LIMD1: variants seen among roughly 807,000 people sequenced by gnomAD.
LIMD1 encodes the protein LIM domain-containing protein 1.
In LIMD1, 23 loss-of-function variants were observed where a neutral mutation model predicts 58.4. The observed-to-expected ratio is 0.39, with a 90% CI of 0.28 to 0.56. The LOEUF (loss-of-function observed/expected upper bound fraction) is 0.56. LIMD1 is among the 20% of genes least tolerant of loss of function. The pLI is 0.57. For synonymous variants in LIMD1, 334 were observed against 345.5 expected (o/e 0.97, Z 0.37); for missense variants, 838 against 855.5 (o/e 0.98, Z 0.25).
intron 4 of LIMD1, among the ~76,000 whole-genome samples, chr3:45,670,205 C>T (rs1697571995): frequency 6.6e-6 from 1 of 152,092 alleles, no homozygotes; most frequent in South Asian, 2.1e-4. Context: ...TTTTAGTGTC[C>T]TTCTGACAAA....
intron 2 of LIMD1, among the ~76,000 whole-genome samples, chr3:45,644,821 G>A (rs1353415401): frequency 1.3e-5 from 2 of 152,230 alleles, no homozygotes; most frequent in African/African-American, 2.4e-5. Context: ...GGGGTTGTGT[G>A]ACAACAGAGA....
chr3:45,633,442 C>CTCTA (rs1701756411), intron 1 of LIMD1, among the ~76,000 whole-genome samples: 1 of 152,240 alleles, frequency 6.6e-6, no homozygotes, highest in East Asian at 1.9e-4. Flanking sequence ...AAATGATGAA[C>CTCTA]TCTAGTTAAT....
chr3:45,634,719 A>T (rs1407211421), intron 1 of LIMD1, among the ~76,000 whole-genome samples: 1 of 152,188 alleles, frequency 6.6e-6, no homozygotes, highest in Non-Finnish European at 1.5e-5. Context: ...GTTTTAGACC[A>T]GGTGTCCCAA....
At chr3:45,644,516 C>T (rs546619110) in intron 2 of LIMD1, among the ~76,000 whole-genome samples, 18 of 152,304 alleles carry the variant, frequency 1.2e-4, no homozygotes, top group Non-Finnish European at 2.4e-4. Context: ...TAACCCTCCT[C>T]CACCCATGGC....
At chr3:45,653,371 T>C (rs77312611) in intron 2 of LIMD1, among the ~76,000 whole-genome samples, 15,457 of 152,178 alleles carry the variant, frequency 0.1, 1,639 homozygotes, top group African/African-American at 0.27. Context: ...CTGCGTTCCC[T>C]ACTGTGATCC....
At chr3:45,628,447 A>G (rs1248109080) in intron 1 of LIMD1, among the ~76,000 whole-genome samples, 1 of 152,256 alleles carries the variant, frequency 6.6e-6, no homozygotes, top group African/African-American at 2.4e-5. Context: ...TAAAACTACA[A>G]TGAGATGCTA....
intron 2 of LIMD1, among the ~76,000 whole-genome samples, chr3:45,649,862 T>TTA (rs1701949486): frequency 6.9e-6 from 1 of 144,008 alleles, no homozygotes; most frequent in Non-Finnish European, 1.5e-5. Flanking sequence ...TTTTTTTTTT[T>TTA]ACTATTTTCT....
intron 1 of LIMD1, among the ~76,000 whole-genome samples, chr3:45,626,157 A>G (rs562865577): frequency 6.6e-6 from 1 of 152,348 alleles, no homozygotes; most frequent in Non-Finnish European, 1.5e-5. Context: ...AGAATCTTGT[A>G]TAGCCATTTT....
intron 1 of LIMD1, among the ~76,000 whole-genome samples, chr3:45,616,266 C>G (rs1701575507): frequency 6.6e-6 from 1 of 152,208 alleles, no homozygotes; most frequent in Non-Finnish European, 1.5e-5. Context: ...ACAGGGATCT[C>G]TTGCCAGCAT....
At chr3:45,659,197 G>C (rs941727575) in intron 2 of LIMD1, among the ~76,000 whole-genome samples, 4 of 152,148 alleles carry the variant, frequency 2.6e-5, no homozygotes, top group African/African-American at 4.8e-5. Flanking sequence ...ACTTCTACCA[G>C]TGTTACCCAC....
intron 1 of LIMD1, among the ~76,000 whole-genome samples, chr3:45,634,600 T>G (rs187479261): frequency 6.6e-6 from 1 of 152,360 alleles, no homozygotes; most frequent in African/African-American, 2.4e-5. Flanking sequence ...TTTGCACATA[T>G]TCTCTTAACA....
chr3:45,660,681 G>T (rs1430899716), intron 2 of LIMD1, among the ~76,000 whole-genome samples: 1 of 152,160 alleles, frequency 6.6e-6, no homozygotes, highest in Non-Finnish European at 1.5e-5. Flanking sequence ...CTCCCAGAGT[G>T]CTGGGATCAC....
At position 45,594,802 on chromosome 3, in the gene LIMD1, C is replaced by CACACACACACACACGGCACCTGG. The variant is rs1553642012; in HGVS notation, c.-64_-63insGGCACCTGGACACACACACACAC. 1.9e-4 allele frequency: 36 copies of CACACACACACACACGGCACCTGG among 193,272 alleles called. No individual in the cohort carries two copies. The highest frequency in any genetic ancestry group is 1.1e-3 in the African/African-American group (34 of 30,194). 12.0% of individuals were successfully genotyped at this position (193,272 alleles called of 1,614,324 possible). A position where few individuals can be genotyped will look rare whatever the true frequency, so the allele number is the denominator to read the frequency against. Reference sequence around the variant, plus strand: ...CAACACACACACACACACACACACACACACACACACACACACACACACACA... The same window carrying CACACACACACACACGGCACCTGG: ...CAACACACACACACACACACACACACACACACACACACACGGCACCTGGACACACACACACACACACACACACA... On this transcript the variant is annotated 5_prime_UTR_variant, in exon 1 of 8. Transcript: ENST00000273317.
intron 2 of LIMD1, among the ~76,000 whole-genome samples, chr3:45,659,359 G>T (rs1452704790): frequency 2.0e-5 from 3 of 152,116 alleles, no homozygotes; most frequent in African/African-American, 7.2e-5. Flanking sequence ...CCTGAGATGG[G>T]CTGATCACTT....
At chr3:45,625,963 T>C (rs1701665552) in intron 1 of LIMD1, among the ~76,000 whole-genome samples, 1 of 152,208 alleles carries the variant, frequency 6.6e-6, no homozygotes, top group Non-Finnish European at 1.5e-5. Flanking sequence ...CTTATTTGTT[T>C]GACTAATATG....
intron 1 of LIMD1, among the ~76,000 whole-genome samples, chr3:45,601,780 T>A (rs1414762919): frequency 6.6e-6 from 1 of 152,162 alleles, no homozygotes; most frequent in African/African-American, 2.4e-5. Context: ...GGGATTTTGC[T>A]TCTGCTCTGA....
intron 3 of LIMD1, among the ~76,000 whole-genome samples, chr3:45,666,025 A>G (rs370703154): frequency 6.6e-6 from 1 of 151,962 alleles, no homozygotes; most frequent in South Asian, 2.1e-4. Context: ...TCTTCTTCTC[A>G]TCCCACTCTC....
In LIMD1 at chr3:45,638,638, A is replaced by T. The variant is rs577825210; in HGVS notation, c.1510+2387A>T. 4.2e-4 allele frequency among the ~76,000 whole-genome samples: 64 copies of T among 152,238 alleles called. No individual in the cohort carries two copies. In the South Asian group the frequency reaches 0.012, roughly 29 times the overall value. Reference sequence around the variant, plus strand: ...CGAGTGCAGGTATCTTTGGTAGAAGATGTACTTTTCTTTGCATATATATCC... The same window carrying T: ...CGAGTGCAGGTATCTTTGGTAGAAGTTGTACTTTTCTTTGCATATATATCC... On this transcript the variant is annotated intron_variant, in intron 2 of 7. Coordinates refer to ENST00000273317, the MANE Select transcript of LIMD1 (RefSeq NM_014240.3).
chr3:45,599,383 G>A (rs1017596128), intron 1 of LIMD1, among the ~76,000 whole-genome samples: 4 of 152,058 alleles, frequency 2.6e-5, no homozygotes, highest in African/African-American at 9.7e-5. Context: ...TGTCCCTATG[G>A]CATTTACCTA....
Sources: allele counts gnomAD v4.1 joint callset (sites outside exome capture counted in the v4.1 genomes callset), GRCh38; gene constraint gnomAD v4.1.1; transcripts MANE v1.5; gene names NCBI Gene and HGNC (gene_info 2026-07-23, HGNC 2026-07-21).